The following EYA1 variants were observed in gnomAD, a reference collection of about 807,000 sequenced individuals.
The protein encoded by EYA1 is EYA transcriptional coactivator and phosphatase 1.
A neutral mutation model predicts 82.0 loss-of-function variants in EYA1; 16 were observed. The ratio of observed to expected loss-of-function variants is 0.20; its 90% CI spans 0.13 to 0.30. The LOEUF is 0.30. Among genes scored for constraint, EYA1 ranks in the 10% least tolerant of loss-of-function variants. The pLI, the probability that EYA1 is intolerant of heterozygous loss-of-function variation, is 1.00. For synonymous variants in EYA1, 261 were observed against 264.4 expected, an observed-to-expected ratio of 0.99 and a Z score of 0.12; for missense variants, 633 against 730.7, an observed-to-expected ratio of 0.87 and a Z score of 1.54.
intron 2 of EYA1, among the ~76,000 whole-genome samples, chr8:71,395,771 G>T (rs1271443546): frequency 6.6e-6 from 1 of 152,032 alleles, no homozygotes; most frequent in African/African-American, 2.4e-5. Context: ...CTGTATCTCT[G>T]CCAGGGTTTG....
chr8:71,419,055 G>A (rs1263065527), intron 2 of EYA1, among the ~76,000 whole-genome samples: 2 of 152,178 alleles, frequency 1.3e-5, no homozygotes, highest in Non-Finnish European at 2.9e-5. Flanking sequence ...CAGAGTATCA[G>A]TTAGAGAATC....
At chr8:71,205,668 A>C (rs542012550) in intron 17 of EYA1, among the ~76,000 whole-genome samples, 61 of 152,242 alleles carry the variant, frequency 4.0e-4, no homozygotes, top group Non-Finnish European at 7.1e-4. Context: ...CTTGGACTAC[A>C]TTGGCAAAGA....
chr8:71,255,558 G>A (rs1814306272), intron 11 of EYA1, among the ~76,000 whole-genome samples: 1 of 151,894 alleles, frequency 6.6e-6, no homozygotes, highest in African/African-American at 2.4e-5. Flanking sequence ...AAAAATTCAA[G>A]GTAAATCGTT....
chr8:71,541,875 A>G (rs1321838491), intron 1 of EYA1, among the ~76,000 whole-genome samples: 1 of 152,198 alleles, frequency 6.6e-6, no homozygotes, highest in African/African-American at 2.4e-5. Context: ...TTGATACAAT[A>G]TATCACAGAA....
intron 9 of EYA1, among the ~76,000 whole-genome samples, chr8:71,285,414 G>A (rs1472338548): frequency 6.6e-6 from 1 of 152,316 alleles, no homozygotes; most frequent in Admixed American, 6.5e-5. Flanking sequence ...GAAGTGGTAG[G>A]CATGGGAAAT....
chr8:71,254,821 C>A (rs956866731), intron 11 of EYA1, among the ~76,000 whole-genome samples: 3 of 151,794 alleles, frequency 2.0e-5, no homozygotes, highest in East Asian at 1.9e-4. Context: ...GTGTAGAAAG[C>A]CCCGAAGACC....
rs1302329264 is a variant in EYA1, at chr8:71,299,136, C to G, written c.737G>C (p.Ser246Thr). Residue 246 changes from serine (S) to threonine (T), a missense_variant, in exon 9 of 18, where the codon AGC (serine) becomes ACC (threonine). Coordinates refer to ENST00000340726, the MANE Select transcript of EYA1 (RefSeq NM_000503.6). ...GGCATTGGTGGATGGTGTCGTTGGG[C>G]TGGTGTTGCTGCTGGTCATATAATG... ...PAHYMTSSNT[S>T]PTTPSTNATY... 6.2e-7 allele frequency: 1 copy of G among 1,614,098 alleles called. No individual in the cohort carries two copies. Among genetic ancestry groups the G allele is most frequent in the South Asian group, 1.1e-5 (1 of 91,084 alleles).
At chr8:71,247,556 G>GCA (rs2128909850) in intron 11 of EYA1, among the ~76,000 whole-genome samples, 1 of 152,234 alleles carries the variant, frequency 6.6e-6, no homozygotes, top group South Asian at 2.1e-4. Flanking sequence ...TTCTGAAATT[G>GCA]TCCCTTTTTA....
upstream of EYA1, among the ~76,000 whole-genome samples, chr8:71,363,382 G>A (rs1827555604): frequency 6.6e-6 from 1 of 152,010 alleles, no homozygotes; most frequent in African/African-American, 2.4e-5. Context: ...CCCAACCACC[G>A]AAAGTATGCC....
Position 71,354,890 on chromosome 8 carries a change from G to A in EYA1, c.16C>T (p.Leu6=), listed in dbSNP as rs1349011834. ...CTCAGACGGCTATGCGGGCTGGTTA[G>A]ATCCTGCATTTCCATAGACCTAAAG... MEMQD[L]TSPHSRLSGS... The change falls in exon 3 of 18, where the codon CTA becomes TTA. Residue 6 remains leucine, a synonymous_variant. Transcript: ENST00000340726. 1 of 1,613,318 alleles carries A rather than the reference G, an allele frequency of 6.2e-7. No homozygotes were observed. The highest frequency in any genetic ancestry group is 8.5e-7 in the Non-Finnish European group (1 of 1,179,544).
chr8:71,232,427 A>C (rs1811310794), intron 12 of EYA1, among the ~76,000 whole-genome samples: 1 of 152,378 alleles, frequency 6.6e-6, no homozygotes, highest in Admixed American at 6.5e-5. Flanking sequence ...GAAGACAACG[A>C]GTAAAAGGAC....
At chr8:71,478,404 C>A (rs777061057) in intron 2 of EYA1, among the ~76,000 whole-genome samples, 1 of 152,034 alleles carries the variant, frequency 6.6e-6, no homozygotes, top group Non-Finnish European at 1.5e-5. Flanking sequence ...TCCAATAGAG[C>A]CCATCTATAC....
intron 2 of EYA1, among the ~76,000 whole-genome samples, chr8:71,504,709 C>T (rs957897360): frequency 6.6e-6 from 1 of 152,122 alleles, no homozygotes; most frequent in Non-Finnish European, 1.5e-5. Flanking sequence ...GGGCAGAGTC[C>T]TTGCATCTCC....
intron 2 of EYA1, among the ~76,000 whole-genome samples, chr8:71,500,968 C>CA (rs1186902164): frequency 6.6e-6 from 1 of 152,062 alleles, no homozygotes; most frequent in Non-Finnish European, 1.5e-5. Context: ...AGAGGCTGTG[C>CA]AAAAAATAAA....
intron 6 of EYA1, among the ~76,000 whole-genome samples, chr8:71,318,802 G>T (rs1413459324): frequency 4.6e-5 from 7 of 152,182 alleles, no homozygotes; most frequent in Admixed American, 4.6e-4. Flanking sequence ...GGCAGTGGGA[G>T]AATCTGACTC....
intron 2 of EYA1, among the ~76,000 whole-genome samples, chr8:71,372,766 A>T (rs28791871): frequency 0.081 from 12,278 of 152,138 alleles, 590 homozygotes; most frequent in Non-Finnish European, 0.1. Context: ...TCAACAATAC[A>T]TCAAAAACAT....
At chr8:71,278,184 AG>A (rs200553240) in intron 9 of EYA1, among the ~76,000 whole-genome samples, 3,908 of 152,226 alleles carry the variant, frequency 0.026, 185 homozygotes, top group African/African-American at 0.089. Flanking sequence ...CACTTACCAA[AG>A]CCTCATAATG....
At chr8:71,373,470 T>C (rs1002020349) in intron 2 of EYA1, among the ~76,000 whole-genome samples, 1 of 152,012 alleles carries the variant, frequency 6.6e-6, no homozygotes, top group Non-Finnish European at 1.5e-5. Context: ...TATGAAACAT[T>C]GATGAAAGAA....
chr8:71,509,205 C>T lies in EYA1; in HGVS notation c.33+26539G>A, dbSNP rs905416156. On this transcript the variant is annotated intron_variant, in intron 2 of 18. Coordinates refer to the EYA1 transcript ENST00000643681. ...GATCACGACACTGCACTGCAGCCTG[C>T]GCAACAAAGAGAGACCCGGTCTCAA... Among the ~76,000 whole-genome samples, 5 of 151,750 alleles carry T rather than the reference C, an allele frequency of 3.3e-5. No individual in the cohort carries two copies. In the East Asian group the frequency reaches 5.8e-4, roughly 18 times the overall value.
Sources: gnomAD v4.1 joint callset for allele counts (sites outside exome capture counted in the v4.1 genomes callset) on GRCh38, gnomAD v4.1.1 for gene constraint, MANE v1.5 for transcripts, NCBI Gene and HGNC (gene_info 2026-07-23, HGNC 2026-07-21) for gene names.